The following MYO19 variants were observed in gnomAD, a reference collection of about 807,000 sequenced individuals.
MYO19 encodes unconventional myosin-XIX.
A neutral mutation model predicts 129.2 loss-of-function variants in MYO19; 132 were observed. That is an observed-to-expected ratio of 1.02 (90% CI 0.89 to 1.18). The LOEUF is 1.18. MYO19 is among the 50% of genes most tolerant of loss of function. MYO19 has a pLI of 0.00. For missense variants in MYO19, 1,210 were observed against 1,216.7 expected (o/e 0.99, Z 0.08); for synonymous variants, 531 against 477.2 (o/e 1.11, Z -1.47).
chr17:36,544,070 G>A (rs2074219306), upstream of MYO19, among the ~76,000 whole-genome samples: 1 of 152,236 alleles, frequency 6.6e-6, no homozygotes, highest in African/African-American at 2.4e-5. Flanking sequence ...AACACACGGT[G>A]GCGAGAGGAA....
rs577311907 is a variant in MYO19, at chr17:36,507,487, T to G, written c.1379A>C (p.Glu460Ala). Reference sequence around the variant, plus strand: ...GTCCTGGTAGTTGATGAATGACCACTCCAGGCCCTCAACTGCGTATTCCTC... The same window carrying G: ...GTCCTGGTAGTTGATGAATGACCACGCCAGGCCCTCAACTGCGTATTCCTC... ...QQEEYAVEGLEWSFINYQDNQ... is the reference protein window; with the variant it reads ...QQEEYAVEGLAWSFINYQDNQ... The change falls in exon 16 of 26, where the codon GAG (glutamate) becomes GCG (alanine). Residue 460 changes from glutamate to alanine, a missense_variant. Coordinates refer to ENST00000614623, the MANE Select transcript of MYO19 (RefSeq NM_001163735.2). 1 of 1,613,678 alleles carries G rather than the reference T, an allele frequency of 6.2e-7. No homozygotes were observed. Among genetic ancestry groups the G allele is most frequent in the African/African-American group, 1.3e-5 (1 of 74,982 alleles).
At chr17:36,532,100 C>T (rs2073868174) in intron 3 of MYO19, among the ~76,000 whole-genome samples, 1 of 152,196 alleles carries the variant, frequency 6.6e-6, no homozygotes, top group African/African-American at 2.4e-5. Context: ...TCCTACATTT[C>T]TGCACAGGCT....
intron 3 of MYO19, among the ~76,000 whole-genome samples, chr17:36,529,617 A>G (rs987214092): frequency 1.9e-4 from 29 of 152,188 alleles, no homozygotes; most frequent in African/African-American, 7.0e-4. Flanking sequence ...TGGGCCCACT[A>G]TAATGCACAA....
intron 6 of MYO19, among the ~76,000 whole-genome samples, chr17:36,522,192 G>A (rs2073177201): frequency 6.6e-6 from 1 of 152,072 alleles, no homozygotes; most frequent in South Asian, 2.1e-4. Context: ...TGCCCTCCAG[G>A]TACCTTGTTC....
chr17:36,511,147 C>T, intron 12 of MYO19: 1 of 671,878 alleles, frequency 1.5e-6, no homozygotes, highest in Non-Finnish European at 2.5e-6. Context: ...AATCACTTTA[C>T]AAACCTCTGA....
chr17:36,507,894 A>C lies in MYO19; in HGVS notation c.1262T>G (p.Phe421Cys). Residue 421 changes from phenylalanine to cysteine, a missense_variant, in exon 15 of 26, where the codon TTT becomes TGT. Transcript: ENST00000614623. Reference protein sequence around the residue: ...GLLDVYGFESFPDNSLEQLCI... With the variant: ...GLLDVYGFESCPDNSLEQLCI... ...CAACTGTTCCAGACTGTTGTCAGGA[A>C]ATGATTCAAATCCATACACATCCAG... 1 of 1,611,944 alleles carries C rather than the reference A, an allele frequency of 6.2e-7. No homozygotes were observed.
chr17:36,510,241 A>T lies in MYO19; in HGVS notation c.1157+505T>A, dbSNP rs560300792. On this transcript the variant is annotated intron_variant, in intron 13 of 25. Transcript: ENST00000614623. ...GGCCAGAGGGTGGAGGTACCCACGTAATCTACCAGAAAAGGCCAGGACCCC... is the reference window on the plus strand; with the variant it reads ...GGCCAGAGGGTGGAGGTACCCACGTTATCTACCAGAAAAGGCCAGGACCCC... 2.6e-5 allele frequency among the ~76,000 whole-genome samples: 4 copies of T among 152,314 alleles called. No individual in the cohort carries two copies. The South Asian group carries it at 8.3e-4, about 32-fold the overall frequency.
At chr17:36,523,475 T>C (rs369686272) in intron 6 of MYO19, among the ~76,000 whole-genome samples, 2 of 152,330 alleles carry the variant, frequency 1.3e-5, no homozygotes, top group South Asian at 2.1e-4. Flanking sequence ...TAATGGTATA[T>C]AAAAACTAAA....
intron 11 of MYO19, chr17:36,512,639 CCTT>C (rs1257113445): frequency 1.2e-5 from 15 of 1,288,650 alleles, no homozygotes; most frequent in Non-Finnish European, 1.4e-5. Flanking sequence ...CAGGTACTGT[CCTT>C]CTGTCAAGTT....
At chr17:36,516,032 C>G (rs769921432) in intron 6 of MYO19, 42 bp from the exon 7 acceptor site, 1 of 1,571,716 alleles carries the variant, frequency 6.4e-7, no homozygotes, top group East Asian at 2.3e-5. Context: ...TCTATGCTCC[C>G]GCCCACTTCT....
At chr17:36,518,527 A>AATATATATATATATATATAT (rs1555581707) in intron 6 of MYO19, among the ~76,000 whole-genome samples, 6 of 41,458 alleles carry the variant, frequency 1.4e-4, no homozygotes, top group East Asian at 6.1e-4. Context: ...AAAAAAAAAA[A>AATATATATATATATATATAT]ATATATATAT....
chr17:36,500,069 G>C (rs930865049), intron 23 of MYO19: 4 of 151,990 alleles, frequency 2.6e-5, no homozygotes, highest in African/African-American at 7.3e-5. Flanking sequence ...ATGTTGCCCG[G>C]CTGGTATGAA....
chr17:36,544,023 T>C (rs73278806), upstream of MYO19, among the ~76,000 whole-genome samples: 670 of 152,344 alleles, frequency 4.4e-3, 7 homozygotes, highest in African/African-American at 0.016. Context: ...CTAAATATCT[T>C]CACAACAGAC....
Position 36,511,427 on chromosome 17 carries a change from T to C in MYO19, c.923A>G (p.Asn308Ser), listed in dbSNP as rs748847256. 4.5e-6 allele frequency: 7 copies of C among 1,568,652 alleles called. No homozygotes were observed. The East Asian group carries it at 9.5e-5, about 21-fold the overall frequency. ...ATCCTCGGAGGCAGCAAACTGGATA[T>C]TGCCAAGGTGCAGCAGTCCAGCTAG... ...KVLAGLLHLG[N>S]IQFAASEDEA... Residue 308 changes from asparagine (N) to serine (S), a missense_variant, in exon 12 of 26, where the codon AAT becomes AGT. Asn to Ser is a conservative substitution (Grantham distance 46). Transcript: ENST00000614623.
chr17:36,532,963 G>T (rs530445701), intron 2 of MYO19, among the ~76,000 whole-genome samples: 1 of 152,276 alleles, frequency 6.6e-6, no homozygotes, highest in South Asian at 2.1e-4. Context: ...GTAAGACACT[G>T]GGGAGACAGA....
intron 9 of MYO19, among the ~76,000 whole-genome samples, chr17:36,514,028 G>T (rs1300026514): frequency 1.3e-5 from 2 of 152,226 alleles, no homozygotes; most frequent in Non-Finnish European, 2.9e-5. Flanking sequence ...ACCTAAGGAT[G>T]CTCCGATTTT....
intron 7 of MYO19, 79 bp from the exon 8 acceptor site, chr17:36,515,261 G>A (rs2072664307): frequency 7.5e-6 from 10 of 1,339,088 alleles, no homozygotes; most frequent in Non-Finnish European, 1.0e-5. Flanking sequence ...CAGGTCTCTG[G>A]AGGTCATGTT....
At chr17:36,538,070 G>T (rs1476685333), upstream of MYO19, 3 of 1,614,194 alleles carry the variant, frequency 1.9e-6, no homozygotes, top group East Asian at 6.7e-5. Context: ...TGCAAACAGG[G>T]TTATATATGC....
At chr17:36,508,899 T>C (rs2072111636) in intron 14 of MYO19, 163 bp downstream of exon 14, 1 of 649,416 alleles carries the variant, frequency 1.5e-6, no homozygotes, top group Non-Finnish European at 2.8e-6. Flanking sequence ...GATCTCACCC[T>C]ATGCAGAGAT....
Sources: allele counts gnomAD v4.1 joint callset (sites outside exome capture counted in the v4.1 genomes callset), GRCh38; gene constraint gnomAD v4.1.1; transcripts MANE v1.5; gene names NCBI Gene and HGNC (gene_info 2026-07-23, HGNC 2026-07-21).